PTPRT: variants seen among roughly 807,000 people sequenced by gnomAD.
The protein encoded by PTPRT is receptor-type tyrosine-protein phosphatase T.
A neutral mutation model predicts 176.8 loss-of-function variants in PTPRT; 56 were observed. That is an observed-to-expected ratio of 0.32 (90% CI 0.26 to 0.40). The LOEUF is 0.40. Among genes scored for constraint, PTPRT ranks in the 10% least tolerant of loss-of-function variants. The probability of loss-of-function intolerance (pLI) is 1.00; values close to 1 mark genes in which losing one functional copy is unlikely to be tolerated. For missense variants in PTPRT, 1,540 were observed against 1,908.2 expected, an observed-to-expected ratio of 0.81 and a Z score of 3.60; for synonymous variants, 783 against 739.0, an observed-to-expected ratio of 1.06 and a Z score of -0.96.
intron 12 of PTPRT, among the ~76,000 whole-genome samples, chr20:42,308,288 A>C (rs1025406512): frequency 6.6e-6 from 1 of 152,142 alleles, no homozygotes; most frequent in East Asian, 1.9e-4. Context: ...ACAAGAACCA[A>C]GAATCCTCTC....
At chr20:42,574,309 T>C (rs1173822263) in intron 7 of PTPRT, among the ~76,000 whole-genome samples, 2 of 152,242 alleles carry the variant, frequency 1.3e-5, no homozygotes, top group Admixed American at 1.3e-4. Flanking sequence ...ATCAAAAGGG[T>C]ATTGGAGACG....
intron 1 of PTPRT, among the ~76,000 whole-genome samples, chr20:43,185,930 CAA>C (rs11476337): frequency 4.4e-4 from 64 of 146,812 alleles, no homozygotes; most frequent in Non-Finnish European, 4.5e-4. Context: ...AGACTGATCT[CAA>C]AAAAAAAAAA....
intron 7 of PTPRT, among the ~76,000 whole-genome samples, chr20:42,604,830 T>C (rs912190352): frequency 6.6e-6 from 1 of 152,224 alleles, no homozygotes; most frequent in African/African-American, 2.4e-5. Flanking sequence ...TGCACTGGCA[T>C]GGCTCATGAA....
chr20:42,309,242 T>C (rs2057590804), intron 12 of PTPRT, among the ~76,000 whole-genome samples: 1 of 152,214 alleles, frequency 6.6e-6, no homozygotes, highest in Admixed American at 6.5e-5. Context: ...CCGTTAATTA[T>C]GGTCCTTTCA....
rs745786017 is a variant in PTPRT at position 42,106,919 on chromosome 20, G to C, written c.3257C>G (p.Ala1086Gly). 6 of 1,613,912 alleles carry C rather than the reference G, an allele frequency of 3.7e-6. No homozygotes were observed. In the South Asian group the frequency reaches 6.6e-5, roughly 18 times the overall value. Reference sequence around the variant, plus strand: ...GAAGCAGCCAGTCCGCCCAGCCCCAGCACTGGAAGAGAGGTATGGTCTGTG... The same window carrying C: ...GAAGCAGCCAGTCCGCCCAGCCCCACCACTGGAAGAGAGGTATGGTCTGTG... ...EAGPIVVHCSAGAGRTGCFIA... is the reference protein window; with the variant it reads ...EAGPIVVHCSGGAGRTGCFIA... The change falls in exon 24 of 31, where the codon GCT becomes GGT. Residue 1086 changes from alanine to glycine, a missense_variant and splice_region_variant. Ala to Gly is a moderately conservative substitution (Grantham distance 60). Transcript: ENST00000373187.
intron 7 of PTPRT, among the ~76,000 whole-genome samples, chr20:42,667,739 A>G (rs1418469270): frequency 1.3e-5 from 2 of 152,216 alleles, no homozygotes; most frequent in African/African-American, 2.4e-5. Flanking sequence ...TCTGGTAGAA[A>G]GAAAAGTGAC....
intron 7 of PTPRT, among the ~76,000 whole-genome samples, chr20:42,532,792 A>G (rs573963002): frequency 2.0e-5 from 3 of 152,070 alleles, no homozygotes; most frequent in Non-Finnish European, 4.4e-5. Context: ...CTTAGGCTTG[A>G]CCAGTCATGG....
At chr20:42,402,273 A>C (rs2058915919) in intron 9 of PTPRT, among the ~76,000 whole-genome samples, 1 of 151,924 alleles carries the variant, frequency 6.6e-6, no homozygotes, top group Non-Finnish European at 1.5e-5. Context: ...TTTCCAGCAA[A>C]TTGTCCTCTT....
intron 7 of PTPRT, among the ~76,000 whole-genome samples, chr20:42,485,135 A>G (rs752597862): frequency 1.6e-4 from 25 of 152,170 alleles, no homozygotes; most frequent in Non-Finnish European, 3.1e-4. Flanking sequence ...TTTGCGCTAG[A>G]GGAAATCGGG....
chr20:42,969,292 C>A (rs906758470), intron 1 of PTPRT: 1 of 152,176 alleles, frequency 6.6e-6, no homozygotes, highest in Non-Finnish European at 1.5e-5. Context: ...ACAACCAAAA[C>A]CCAGTGAAAA....
At chr20:42,882,777 A>G (rs1057320474) in intron 2 of PTPRT, among the ~76,000 whole-genome samples, 5 of 152,218 alleles carry the variant, frequency 3.3e-5, no homozygotes, top group Non-Finnish European at 7.3e-5. Context: ...TAAACCATGC[A>G]CTGGATGAAT....
Position 42,270,426 on chromosome 20 carries a change from G to A in PTPRT, c.2176+12063C>T, listed in dbSNP as rs199994862. 1.4e-4 allele frequency: 188 copies of A among 1,302,104 alleles called. 1 individual carries two copies. In the South Asian group the frequency reaches 1.5e-3, roughly 10 times the overall value. The allele number at this position is 1,302,104 out of a possible 1,614,324, so 80.7% of individuals were successfully genotyped here. ...GGTGAGGAGGCAGAGTGGAGTCCCCGGGGTCACCTGGGCGCTGCCCATTGG... is the reference window on the plus strand; with the variant it reads ...GGTGAGGAGGCAGAGTGGAGTCCCCAGGGTCACCTGGGCGCTGCCCATTGG... On this transcript the variant is annotated intron_variant, in intron 13 of 30. Coordinates refer to ENST00000373187, the MANE Select transcript of PTPRT (RefSeq NM_007050.6).
At chr20:42,285,709 T>A (rs1386611371) in intron 12 of PTPRT, among the ~76,000 whole-genome samples, 1 of 151,708 alleles carries the variant, frequency 6.6e-6, no homozygotes, top group Non-Finnish European at 1.5e-5. Flanking sequence ...AGAGAAAAAT[T>A]TAAGGGCATC....
chr20:42,476,896 G>C (rs1013049611), intron 7 of PTPRT, among the ~76,000 whole-genome samples: 18 of 152,198 alleles, frequency 1.2e-4, no homozygotes, highest in African/African-American at 4.1e-4. Context: ...GAATGGGTCA[G>C]TTACACATGT....
At chr20:42,987,866 C>T (rs939492628) in intron 1 of PTPRT, among the ~76,000 whole-genome samples, 11 of 152,196 alleles carry the variant, frequency 7.2e-5, no homozygotes, top group South Asian at 2.1e-4. Context: ...GAAAGCTTGA[C>T]GGGAGCTGGG....
intron 1 of PTPRT, among the ~76,000 whole-genome samples, chr20:42,984,454 A>G (rs1455651926): frequency 6.6e-6 from 1 of 152,240 alleles, no homozygotes; most frequent in Non-Finnish European, 1.5e-5. Flanking sequence ...GGATTCCAAT[A>G]AAGATAAGAG....
intron 2 of PTPRT, among the ~76,000 whole-genome samples, chr20:42,828,647 C>T (rs1346430815): frequency 2.6e-5 from 4 of 152,206 alleles, no homozygotes; most frequent in African/African-American, 7.2e-5. Context: ...ATCCCAGCCA[C>T]TCCAGTCATG....
At chr20:42,397,359 C>G (rs955763871) in intron 9 of PTPRT, among the ~76,000 whole-genome samples, 3 of 152,174 alleles carry the variant, frequency 2.0e-5, no homozygotes, top group South Asian at 2.1e-4. Context: ...CAAAGGTATA[C>G]TGCGTGATGC....
At position 42,352,206 on chromosome 20, in the gene PTPRT, T is replaced by G; in HGVS notation, c.1640A>C (p.Asn547Thr). The G allele has an allele frequency of 6.2e-7, 1 of 1,614,178 alleles. No homozygotes were observed. Among genetic ancestry groups the G allele is most frequent in the Non-Finnish European group, 8.5e-7 (1 of 1,180,018 alleles). Residue 547 changes from asparagine (N) to threonine (T), a missense_variant, in exon 10 of 31, where the codon AAT becomes ACT. By Grantham distance (65) the Asn-to-Thr change is moderately conservative. Around this residue, in one of 11 missense-constraint regions of PTPRT, gnomAD observed 136 missense variants for 135.0 expected, o/e 1.01. Transcript: ENST00000373187. ...ACCCACAAAGAGGTGGTGGGTTTCA[T>G]TCCGGAGCTTGAACACTTTCCCCCT... ...SQRGKVFKLRNETHHLFVGLY... is the reference protein window; with the variant it reads ...SQRGKVFKLRTETHHLFVGLY...
Sources: allele counts gnomAD v4.1 joint callset (sites outside exome capture counted in the v4.1 genomes callset), GRCh38; gene constraint gnomAD v4.1.1; regional missense constraint gnomAD v4.1.1; transcripts MANE v1.5; gene names NCBI Gene and HGNC (gene_info 2026-07-23, HGNC 2026-07-21).